ARPP21: variants seen among roughly 807,000 people sequenced by gnomAD.
ARPP21 encodes the protein cAMP regulated phosphoprotein 21, also known as cAMP-regulated phosphoprotein 21.
Under a neutral mutation model 113.2 loss-of-function variants are expected in ARPP21, and 69 were observed. That is an observed-to-expected ratio of 0.61 (90% confidence interval 0.50 to 0.74). ARPP21 has a LOEUF of 0.74. ARPP21 is among the 30% of genes least tolerant of loss of function. The pLI, the probability that ARPP21 is intolerant of heterozygous loss-of-function variation, is 0.00. For missense variants in ARPP21, 1,070 were observed against 1,037.4 expected, an observed-to-expected ratio of 1.03 and a Z score of -0.43; for synonymous variants, 368 against 375.5, an observed-to-expected ratio of 0.98 and a Z score of 0.23.
intron 3 of ARPP21, 84 bp from the exon 4 acceptor site, chr3:35,682,764 T>TTC (rs1414790566): frequency 3.3e-5 from 39 of 1,195,460 alleles, no homozygotes; most frequent in East Asian, 2.8e-4. Context: ...CTCTCTTTCT[T>TTC]TCTCTCTCTC....
chr3:35,717,719 A>C (rs910073813), intron 13 of ARPP21, among the ~76,000 whole-genome samples: 10 of 152,152 alleles, frequency 6.6e-5, no homozygotes, highest in Non-Finnish European at 1.3e-4. Context: ...AAAATAAATC[A>C]ATGATAGCCC....
rs1296598347 is a variant in ARPP21 at position 35,790,997 on chromosome 3, C to T, written c.2138-1385C>T. Among the ~76,000 whole-genome samples, 4 of 152,258 alleles carry T rather than the reference C, an allele frequency of 2.6e-5. No homozygotes were observed. In the South Asian group the frequency reaches 6.2e-4, roughly 24 times the overall value. On this transcript the variant is annotated intron_variant, in intron 19 of 20. Coordinates refer to ENST00000684406, the MANE Select transcript of ARPP21 (RefSeq NM_001385562.1). ...TTGGCCTTTTCCCAAGCTTGCTCTCCAATTCTCCAAACTGAGGACACCTTG... is the reference window on the plus strand; with the variant it reads ...TTGGCCTTTTCCCAAGCTTGCTCTCTAATTCTCCAAACTGAGGACACCTTG...
At chr3:35,792,252 T>C in intron 19 of ARPP21, 130 bp from the exon 20 acceptor site, 1 of 737,328 alleles carries the variant, frequency 1.4e-6, no homozygotes. Flanking sequence ...GGAATAAACA[T>C]CTGATAACAC....
intron 15 of ARPP21, among the ~76,000 whole-genome samples, chr3:35,736,588 A>G (rs2094365284): frequency 6.6e-6 from 1 of 152,240 alleles, no homozygotes; most frequent in Non-Finnish European, 1.5e-5. Context: ...TCTGTGATGT[A>G]CTACTTTTAA....
chr3:35,750,421 T>C (rs923199009), intron 19 of ARPP21, among the ~76,000 whole-genome samples: 5 of 152,182 alleles, frequency 3.3e-5, no homozygotes, highest in Admixed American at 6.5e-5. Flanking sequence ...CTGTGATAGT[T>C]AAATAACATA....
rs527361965 is a variant in ARPP21 at position 35,724,155 on chromosome 3, C to G, written c.1225+2321C>G. 7.2e-5 allele frequency among the ~76,000 whole-genome samples: 11 copies of G among 152,222 alleles called. No individual in the cohort carries two copies. In the East Asian group the frequency reaches 1.9e-3, roughly 27 times the overall value. On this transcript the variant is annotated intron_variant, in intron 14 of 20. Transcript: ENST00000684406. ...TTTTCCACATTGGAAACACATTTTC[C>G]TACGTTTTGGAAGGAAGCATATTAC...
intron 5 of ARPP21, chr3:35,685,436 G>C: frequency 1.0e-6 from 1 of 984,480 alleles, no homozygotes; most frequent in African/African-American, 1.7e-5. Context: ...GCAAGTGGCC[G>C]TGCTACCTTT....
At chr3:35,769,399 G>T (rs1559909245) in intron 19 of ARPP21, among the ~76,000 whole-genome samples, 1 of 152,092 alleles carries the variant, frequency 6.6e-6, no homozygotes, top group East Asian at 1.9e-4. Context: ...TGGAGCTTCA[G>T]GTAGACATTT....
At chr3:35,769,690 G>C (rs1027986722) in intron 19 of ARPP21, among the ~76,000 whole-genome samples, 1 of 152,046 alleles carries the variant, frequency 6.6e-6, no homozygotes, top group African/African-American at 2.4e-5. Context: ...TCTTAGGTTC[G>C]CTAGGCTAAC....
intron 11 of ARPP21, among the ~76,000 whole-genome samples, chr3:35,713,053 G>T (rs1342854210): frequency 1.3e-5 from 2 of 152,164 alleles, no homozygotes; most frequent in African/African-American, 2.4e-5. Context: ...AGGGCATGTG[G>T]TGCCACCAGA....
intron 19 of ARPP21, among the ~76,000 whole-genome samples, chr3:35,745,865 G>A (rs1002826669): frequency 6.6e-6 from 1 of 152,132 alleles, no homozygotes. Flanking sequence ...CAACCTGGTA[G>A]CTTTGGTTTG....
At chr3:35,767,388 T>C (rs2151435323) in intron 19 of ARPP21, among the ~76,000 whole-genome samples, 1 of 152,314 alleles carries the variant, frequency 6.6e-6, no homozygotes, top group East Asian at 1.9e-4. Flanking sequence ...TTCTGGACTC[T>C]CTTCACCATG....
intron 17 of ARPP21, among the ~76,000 whole-genome samples, chr3:35,738,583 C>T (rs1023397707): frequency 6.6e-6 from 1 of 152,134 alleles, no homozygotes; most frequent in East Asian, 1.9e-4. Context: ...AACTGAATGC[C>T]TTCAGAGTTA....
chr3:35,684,217 A>G lies in ARPP21; in HGVS notation c.261+402A>G, dbSNP rs1001204445. ...TCAGCTCCCCAAAATGCACTTGCCT[A>G]TAAGAAACACAATTGCTGGTTCATA... On this transcript the variant is annotated intron_variant, in intron 5 of 20. Coordinates refer to ENST00000684406, the MANE Select transcript of ARPP21 (RefSeq NM_001385562.1). The G allele has an allele frequency of 1.8e-5, 23 of 1,300,914 alleles. No individual in the cohort carries two copies. The Admixed American group carries it at 2.1e-4, about 12-fold the overall frequency. 80.6% of individuals were successfully genotyped at this position (1,300,914 alleles called of 1,614,324 possible).
intron 1 of ARPP21, among the ~76,000 whole-genome samples, chr3:35,664,404 T>C (rs768258755): frequency 2.0e-5 from 3 of 152,192 alleles, no homozygotes; most frequent in Non-Finnish European, 4.4e-5. Flanking sequence ...TTTTTCCTCC[T>C]GAGTGTAACT....
Position 35,687,889 on chromosome 3 carries a change from T to C in ARPP21, c.406+6T>C. The C allele has an allele frequency of 6.3e-7, 1 of 1,577,038 alleles. No homozygotes were observed. The highest frequency in any genetic ancestry group is 1.2e-5 in the South Asian group (1 of 84,562). ...GATCAGAATGTTATCAAAAGGTGAA[T>C]GTGAAAATATTTCCTTAACTTACTC... On this transcript the variant is annotated splice_donor_region_variant and intron_variant, in intron 6 of 20. Transcript: ENST00000684406.
chr3:35,739,326 G>A lies in ARPP21; in HGVS notation c.1759G>A (p.Val587Met), dbSNP rs370506049. Residue 587 changes from valine to methionine, a missense_variant, in exon 18 of 21, where the codon GTG (valine) becomes ATG (methionine). By Grantham distance (21) the Val-to-Met change is conservative. Transcript: ENST00000684406. ...PTQHFPMRDD[V>M]ATQFGQMTLS... ...TTTCCATGACTTGCAGAGAGATGAT[G>A]TGGCAACACAGTTTGGCCAGATGAC... 17 of 1,613,754 alleles carry A rather than the reference G, an allele frequency of 1.1e-5. No individual in the cohort carries two copies. In the African/African-American group the frequency reaches 2.1e-4, roughly 20 times the overall value.
At chr3:35,747,898 C>T (rs896793423) in intron 19 of ARPP21, among the ~76,000 whole-genome samples, 2 of 139,204 alleles carry the variant, frequency 1.4e-5, no homozygotes, top group Non-Finnish European at 3.0e-5. Flanking sequence ...GGTGACAGAG[C>T]GAGGCCCTGT....
intron 19 of ARPP21, among the ~76,000 whole-genome samples, chr3:35,759,818 A>G (rs995356696): frequency 2.6e-5 from 4 of 151,994 alleles, no homozygotes; most frequent in African/African-American, 9.7e-5. Flanking sequence ...TGATTTGCCA[A>G]TGTCTGCCCA....
Sources: allele counts gnomAD v4.1 joint callset (sites outside exome capture counted in the v4.1 genomes callset), GRCh38; gene constraint gnomAD v4.1.1; transcripts MANE v1.5; gene names NCBI Gene and HGNC (gene_info 2026-07-23, HGNC 2026-07-21).